Variants in RBFOX1 observed in about 807,000 individuals in gnomAD.
The protein encoded by RBFOX1 is RNA binding protein fox-1 homolog 1.
RBFOX1 carries 8 observed loss-of-function variants against 57.7 expected under a neutral mutation model. The observed-to-expected ratio is 0.14, with a 90% CI of 0.08 to 0.25. The LOEUF is 0.25. Among genes scored for constraint, RBFOX1 ranks in the 10% least tolerant of loss-of-function variants. The pLI is 1.00. For synonymous variants in RBFOX1, 326 were observed against 222.4 expected, an observed-to-expected ratio of 1.47 and a Z score of -4.15; for missense variants, 611 against 548.5, an observed-to-expected ratio of 1.11 and a Z score of -1.14.
intron 3 of RBFOX1, among the ~76,000 whole-genome samples, chr16:6,918,218 G>T (rs1202500459): frequency 5.3e-5 from 8 of 151,604 alleles, no homozygotes; most frequent in Non-Finnish European, 1.0e-4. Flanking sequence ...GGAGGTGGAG[G>T]TTGCAGTGAG....
At chr16:7,158,024 C>G (rs770237853) in intron 4 of RBFOX1, among the ~76,000 whole-genome samples, 2 of 152,088 alleles carry the variant, frequency 1.3e-5, no homozygotes, top group Admixed American at 6.6e-5. Context: ...GTAGCTTTTA[C>G]TCAGGTTTAT....
intron 2 of RBFOX1, among the ~76,000 whole-genome samples, chr16:6,328,612 G>A (rs1003030183): frequency 4.6e-5 from 7 of 152,010 alleles, no homozygotes; most frequent in African/African-American, 1.5e-4. Flanking sequence ...TTCAAATCTT[G>A]GCCCTCTATT....
intron 2 of RBFOX1, among the ~76,000 whole-genome samples, chr16:6,396,017 G>T (rs761307456): frequency 7.5e-6 from 1 of 133,204 alleles, no homozygotes; most frequent in Non-Finnish European, 1.5e-5. Context: ...AGTGAGCTGA[G>T]ATCGCACCAA....
chr16:7,046,160 T>G (rs1315550682), intron 3 of RBFOX1, among the ~76,000 whole-genome samples: 3 of 152,098 alleles, frequency 2.0e-5, no homozygotes, highest in Non-Finnish European at 4.4e-5. Flanking sequence ...CATCAGCCAT[T>G]TAGTTTATAT....
chr16:7,513,811 C>A (rs760123752), intron 4 of RBFOX1, among the ~76,000 whole-genome samples: 1 of 152,124 alleles, frequency 6.6e-6, no homozygotes, highest in Non-Finnish European at 1.5e-5. Flanking sequence ...TGCTCATAAG[C>A]CCACTTATGC....
intron 3 of RBFOX1, among the ~76,000 whole-genome samples, chr16:6,787,756 C>T (rs946233076): frequency 6.6e-6 from 1 of 152,182 alleles, no homozygotes; most frequent in Admixed American, 6.5e-5. Flanking sequence ...CTGGCTTAAT[C>T]CCCAAAACCT....
At chr16:5,582,713 C>G (rs994415309) in intron 2 of RBFOX1, among the ~76,000 whole-genome samples, 1 of 152,062 alleles carries the variant, frequency 6.6e-6, no homozygotes, top group Non-Finnish European at 1.5e-5. Flanking sequence ...ATCACACCCA[C>G]GCTCGGCTAA....
intron 4 of RBFOX1, among the ~76,000 whole-genome samples, chr16:7,078,594 C>A (rs2058664578): frequency 6.6e-6 from 1 of 152,080 alleles, no homozygotes; most frequent in African/African-American, 2.4e-5. Flanking sequence ...GTGATCCACC[C>A]ACTTTGGCCT....
At chr16:6,434,542 A>G (rs893419588) in intron 2 of RBFOX1, among the ~76,000 whole-genome samples, 24 of 152,238 alleles carry the variant, frequency 1.6e-4, no homozygotes, top group African/African-American at 5.8e-4. Flanking sequence ...TGCACGTCGC[A>G]TAGTGCCTGG....
At chr16:7,046,108 A>G (rs1391441610) in intron 3 of RBFOX1, among the ~76,000 whole-genome samples, 2 of 147,262 alleles carry the variant, frequency 1.4e-5, no homozygotes, top group Middle Eastern at 3.4e-3. Context: ...TGAAAACTAC[A>G]GAAAGCATTA....
At position 7,274,588 on chromosome 16, in the gene RBFOX1, C is replaced by G. The variant is rs934548018; in HGVS notation, c.27+222490C>G. ...TAATCACTTCTCTCTGGAACTAGGT[C>G]TACTTATGGGCCACGTTTGAAGGGT... On this transcript the variant is annotated intron_variant, in intron 4 of 15. Coordinates refer to ENST00000550418, the MANE Select transcript of RBFOX1 (RefSeq NM_018723.4). Among the ~76,000 whole-genome samples, 5 of 152,226 alleles carry G rather than the reference C, an allele frequency of 3.3e-5. 1 individual carries two copies. In the East Asian group the frequency reaches 7.7e-4, roughly 24 times the overall value.
intron 3 of RBFOX1, among the ~76,000 whole-genome samples, chr16:6,723,354 T>C (rs775019560): frequency 1.3e-5 from 2 of 151,936 alleles, no homozygotes; most frequent in African/African-American, 2.4e-5. Context: ...GGTTATAACA[T>C]TGAGTATAGC....
intron 4 of RBFOX1, among the ~76,000 whole-genome samples, chr16:6,010,914 A>G (rs2094957548): frequency 6.6e-6 from 1 of 152,238 alleles, no homozygotes; most frequent in South Asian, 2.1e-4. Flanking sequence ...TAATAAATGT[A>G]CAAGTGGAAG....
Position 7,499,018 on chromosome 16 carries a change from A to G in RBFOX1, c.28-19129A>G, listed in dbSNP as rs538109033. Among the ~76,000 whole-genome samples, 19 of 152,320 alleles carry G rather than the reference A, an allele frequency of 1.2e-4. No homozygotes were observed. In the Middle Eastern group the frequency reaches 0.014, roughly 109 times the overall value. On this transcript the variant is annotated intron_variant, in intron 4 of 15. Coordinates refer to ENST00000550418, the MANE Select transcript of RBFOX1 (RefSeq NM_018723.4). ...ATGAAGTAGACAGTGACATCACTCAATACTAGGTCTTCCGTGACTAGCACG... is the reference window on the plus strand; with the variant it reads ...ATGAAGTAGACAGTGACATCACTCAGTACTAGGTCTTCCGTGACTAGCACG...
At chr16:5,983,944 TTCC>T (rs1292408460) in intron 4 of RBFOX1, among the ~76,000 whole-genome samples, 1 of 98,260 alleles carries the variant, frequency 1.0e-5, no homozygotes, top group Non-Finnish European at 2.0e-5. Context: ...CCTCCTCCTC[TTCC>T]TCCTCTTCTT....
intron 1 of RBFOX1, among the ~76,000 whole-genome samples, chr16:6,315,064 T>C (rs958660529): frequency 1.3e-5 from 2 of 152,232 alleles, no homozygotes; most frequent in African/African-American, 4.8e-5. Context: ...AACAATAAAC[T>C]TTTAAAAAGC....
At chr16:7,496,943 G>C (rs552886331) in intron 4 of RBFOX1, among the ~76,000 whole-genome samples, 3 of 152,248 alleles carry the variant, frequency 2.0e-5, no homozygotes, top group African/African-American at 4.8e-5. Context: ...TGTCCTGAGA[G>C]TGAGCCTCTG....
intron 3 of RBFOX1, among the ~76,000 whole-genome samples, chr16:6,696,385 A>T (rs764727900): frequency 2.6e-5 from 4 of 152,186 alleles, no homozygotes; most frequent in Admixed American, 2.6e-4. Context: ...GTCTTGTTTT[A>T]TATTGAAACC....
At chr16:5,602,983 G>C (rs1212464656), downstream of RBFOX1, among the ~76,000 whole-genome samples, 5 of 152,128 alleles carry the variant, frequency 3.3e-5, no homozygotes, top group African/African-American at 1.2e-4. Flanking sequence ...AGTGAAAATG[G>C]GGTTTACAAG....
Sources: allele counts gnomAD v4.1 joint callset (sites outside exome capture counted in the v4.1 genomes callset), GRCh38; gene constraint gnomAD v4.1.1; transcripts MANE v1.5; gene names NCBI Gene and HGNC (gene_info 2026-07-23, HGNC 2026-07-21).